Variants in ADAM18 observed in about 807,000 individuals in gnomAD.
The protein encoded by ADAM18 is ADAM metallopeptidase domain 18, also known as disintegrin and metalloproteinase domain-containing protein 18.
A neutral mutation model predicts 94.4 loss-of-function variants in ADAM18; 117 were observed. That is an observed-to-expected ratio of 1.24 (90% CI 1.07 to 1.45). The LOEUF (loss-of-function observed/expected upper bound fraction) is 1.45, where lower values mean the gene tolerates loss of function less well. Ranked by LOEUF, ADAM18 falls within the 40% of genes most tolerant of loss-of-function variation. The pLI is 0.00. For missense variants in ADAM18, 936 were observed against 880.0 expected, an observed-to-expected ratio of 1.06 and a Z score of -0.81; for synonymous variants, 327 against 291.6, an observed-to-expected ratio of 1.12 and a Z score of -1.24.
rs111626307 is a variant in ADAM18, at chr8:39,649,485, G to A, written c.1230+958G>A. Among the ~76,000 whole-genome samples, 72 of 151,912 alleles carry A rather than the reference G, an allele frequency of 4.7e-4. 1 individual carries two copies. The highest frequency in any genetic ancestry group is 1.7e-3 in the African/African-American group (70 of 41,422). ...CTTGCAGTCTCCTACCCCTAAATATGGTATCATTTACTGCCAATAAATACT... is the reference window on the plus strand; with the variant it reads ...CTTGCAGTCTCCTACCCCTAAATATAGTATCATTTACTGCCAATAAATACT... On this transcript the variant is annotated intron_variant, in intron 12 of 19. Transcript: ENST00000265707.
chr8:39,681,263 G>A (rs1021603288), intron 16 of ADAM18, among the ~76,000 whole-genome samples: 1 of 152,146 alleles, frequency 6.6e-6, no homozygotes, highest in African/African-American at 2.4e-5. Flanking sequence ...GCAATTGTGG[G>A]ACAGTGAAAA....
At chr8:39,635,532 C>T (rs1159408596) in intron 7 of ADAM18, among the ~76,000 whole-genome samples, 2 of 152,108 alleles carry the variant, frequency 1.3e-5, no homozygotes, top group Non-Finnish European at 2.9e-5. Context: ...CTTATATAAT[C>T]ATAATATAGT....
intron 6 of ADAM18, among the ~76,000 whole-genome samples, chr8:39,613,278 A>G (rs1055649940): frequency 2.0e-5 from 3 of 152,226 alleles, no homozygotes; most frequent in African/African-American, 4.8e-5. Flanking sequence ...TCTCAAGCAC[A>G]GCAGGTACTT....
At chr8:39,586,511 C>G (rs776421409) in intron 2 of ADAM18, among the ~76,000 whole-genome samples, 14 of 152,144 alleles carry the variant, frequency 9.2e-5, no homozygotes, top group Admixed American at 9.2e-4. Flanking sequence ...GTTGGAGGAT[C>G]GCTTGAGCCT....
At chr8:39,622,907 G>C (rs1819654713) in intron 6 of ADAM18, among the ~76,000 whole-genome samples, 2 of 151,882 alleles carry the variant, frequency 1.3e-5, no homozygotes, top group Admixed American at 1.3e-4. Context: ...TTGCTTTTTG[G>C]TATGAGGGGA....
intron 2 of ADAM18, among the ~76,000 whole-genome samples, chr8:39,593,670 G>T (rs775678889): frequency 1.3e-5 from 2 of 152,122 alleles, no homozygotes; most frequent in African/African-American, 2.4e-5. Flanking sequence ...ACTATCTTCT[G>T]TCAGGTTTTG....
At chr8:39,631,143 C>T (rs1487016379) in intron 7 of ADAM18, among the ~76,000 whole-genome samples, 2 of 151,828 alleles carry the variant, frequency 1.3e-5, no homozygotes, top group Non-Finnish European at 2.9e-5. Flanking sequence ...GCTATTTTCT[C>T]GTAGTCTGTG....
At chr8:39,601,715 T>G (rs370247164) in intron 2 of ADAM18, among the ~76,000 whole-genome samples, 1 of 152,360 alleles carries the variant, frequency 6.6e-6, no homozygotes, top group South Asian at 2.1e-4. Flanking sequence ...GTAACTATTT[T>G]TAAGTATATG....
chr8:39,609,112 T>A lies in ADAM18; in HGVS notation c.259T>A (p.Tyr87Asn), dbSNP rs1478539901. ...TGGATCTTTGCATTCTGTGTCTCCA[T>A]ATTTTATGGTAAAGTAAGATACCTT... ...ETGSLHSVSPYFMMHCHYQGY... is the reference protein window; with the variant it reads ...ETGSLHSVSPNFMMHCHYQGY... Residue 87 changes from tyrosine (Y) to asparagine (N), a missense_variant, in exon 4 of 20, where the codon TAT becomes AAT. Physicochemically the swap from Tyr to Asn is moderately radical, Grantham distance 143. Transcript: ENST00000265707. 1.3e-6 allele frequency: 2 copies of A among 1,572,626 alleles called. No individual in the cohort carries two copies. The highest frequency in any genetic ancestry group is 1.7e-6 in the Non-Finnish European group (2 of 1,153,214).
intron 2 of ADAM18, among the ~76,000 whole-genome samples, chr8:39,594,801 T>G (rs1818689524): frequency 6.7e-6 from 1 of 148,408 alleles, no homozygotes; most frequent in African/African-American, 2.5e-5. Flanking sequence ...GAGTTTTTTT[T>G]TTTTTTTTTT....
At chr8:39,634,887 C>T (rs760678618) in intron 7 of ADAM18, among the ~76,000 whole-genome samples, 5 of 151,978 alleles carry the variant, frequency 3.3e-5, no homozygotes, top group East Asian at 1.9e-4. Flanking sequence ...GTATTTTGTA[C>T]GTGAGAATGA....
intron 17 of ADAM18, among the ~76,000 whole-genome samples, chr8:39,701,033 G>A (rs1317208216): frequency 7.1e-6 from 1 of 141,112 alleles, no homozygotes; most frequent in Non-Finnish European, 1.5e-5. Context: ...CAGGAGAATG[G>A]CGTGAACCCG....
chr8:39,725,038 T>C (rs1822863138), intron 19 of ADAM18, among the ~76,000 whole-genome samples: 1 of 151,984 alleles, frequency 6.6e-6, no homozygotes, highest in South Asian at 2.1e-4. Context: ...GAAGGTGTAT[T>C]TACTATTGTG....
chr8:39,676,510 T>C (rs1442219165), intron 14 of ADAM18, among the ~76,000 whole-genome samples: 1 of 152,148 alleles, frequency 6.6e-6, no homozygotes, highest in Non-Finnish European at 1.5e-5. Context: ...AAAAGTGCAA[T>C]ATTTGGGTAG....
At chr8:39,703,731 T>A (rs1394790330) in intron 17 of ADAM18, among the ~76,000 whole-genome samples, 1 of 152,012 alleles carries the variant, frequency 6.6e-6, no homozygotes, top group Non-Finnish European at 1.5e-5. Flanking sequence ...CTGAAGGAAA[T>A]TGAGACACAC....
intron 19 of ADAM18, among the ~76,000 whole-genome samples, chr8:39,725,433 G>C (rs545779742): frequency 6.6e-6 from 1 of 152,168 alleles, no homozygotes; most frequent in East Asian, 1.9e-4. Context: ...GTGTATAGTA[G>C]AGCTCCAGAA....
At chr8:39,708,611 G>T (rs764402330) in intron 18 of ADAM18, among the ~76,000 whole-genome samples, 4 of 152,178 alleles carry the variant, frequency 2.6e-5, no homozygotes, top group Non-Finnish European at 5.9e-5. Context: ...ATAGTTCCCT[G>T]ACCCCTTCTT....
chr8:39,600,644 C>T (rs1035999574), intron 2 of ADAM18, among the ~76,000 whole-genome samples: 1 of 152,208 alleles, frequency 6.6e-6, no homozygotes, highest in Non-Finnish European at 1.5e-5. Context: ...CAGTTTTTGA[C>T]TTGCTAACGA....
Position 39,663,369 on chromosome 8 carries a change from A to G in ADAM18, c.1231-426A>G, listed in dbSNP as rs140875160. ...TTTGTGAGGCTGAGGCAGGAGGATC[A>G]TTTGAACTAAGGAGTTTGAGACCAG... On this transcript the variant is annotated intron_variant, in intron 12 of 19. Transcript: ENST00000265707. 6.5e-3 allele frequency among the ~76,000 whole-genome samples: 938 copies of G among 145,368 alleles called. 5 individuals carry two copies. The highest frequency in any genetic ancestry group is 0.022 in the African/African-American group (890 of 39,556).
Sources: allele counts gnomAD v4.1 joint callset (sites outside exome capture counted in the v4.1 genomes callset), GRCh38; gene constraint gnomAD v4.1.1; transcripts MANE v1.5; gene names NCBI Gene and HGNC (gene_info 2026-07-23, HGNC 2026-07-21).